Variants in PIEZO1 observed in about 807,000 individuals in gnomAD.
PIEZO1 encodes the protein piezo-type mechanosensitive ion channel component 1.
Under a neutral mutation model 297.2 loss-of-function variants are expected in PIEZO1, and 296 were observed. The observed-to-expected ratio is 1.00, with a 90% confidence interval of 0.91 to 1.10. PIEZO1 has a LOEUF of 1.10. Ranked by LOEUF, PIEZO1 falls within the 50% of genes least tolerant of loss-of-function variation. The pLI is 0.00. For synonymous variants in PIEZO1, 2,427 were observed against 1,507.5 expected (o/e 1.61, Z -14.13); for missense variants, 5,018 against 3,455.5 (o/e 1.45, Z -11.34).
intron 1 of PIEZO1, among the ~76,000 whole-genome samples, chr16:88,751,883 A>G (rs1036066947): frequency 5.9e-5 from 9 of 152,106 alleles, no homozygotes; most frequent in Non-Finnish European, 1.3e-4. Context: ...AGAGCAGAGG[A>G]GCTCACGGTC....
intron 44 of PIEZO1, chr16:88,717,535 A>G (rs867532630): frequency 1.5e-5 from 8 of 521,530 alleles, no homozygotes; most frequent in African/African-American, 1.5e-4. Flanking sequence ...GCCAAAATTT[A>G]CCTCAAAGTG....
chr16:88,720,134 G>A lies in PIEZO1; in HGVS notation c.6099C>T (p.Phe2033=), dbSNP rs1912325014. 1.9e-6 allele frequency: 3 copies of A among 1,550,314 alleles called. No individual in the cohort carries two copies. The highest frequency in any genetic ancestry group is 1.4e-5 in the African/African-American group (1 of 73,046). The part of the protein sequence containing the change: ...LRKTVLGKLA[F]QVALVLAIHL... ...GGATGGCCAGCACCAGCGCCACCTG[G>A]AAGGCCAGCTTGCCCAGCACGGTCT... The change falls in exon 42 of 51, where the codon TTC becomes TTT. Residue 2033 remains phenylalanine, a synonymous_variant. Coordinates refer to ENST00000301015, the MANE Select transcript of PIEZO1 (RefSeq NM_001142864.4).
chr16:88,718,932 A>C (rs1381999487), intron 44 of PIEZO1: 1 of 153,264 alleles, frequency 6.5e-6, no homozygotes, highest in Non-Finnish European at 1.5e-5. Context: ...TGGTCTTAAA[A>C]CTCCTGGCCT....
At chr16:88,742,224 A>G (rs560597220) in intron 3 of PIEZO1, 76 bp downstream of exon 3, 6 of 1,494,288 alleles carry the variant, frequency 4.0e-6, no homozygotes, top group Admixed American at 2.1e-5. Flanking sequence ...CCCCCCCAGG[A>G]GACTCGGGGT....
chr16:88,736,767 G>A (rs533999886), intron 10 of PIEZO1, 28 bp from the exon 11 acceptor site: 78 of 1,430,384 alleles, frequency 5.5e-5, no homozygotes, highest in Admixed American at 2.6e-4. Context: ...GGTCAGCTTC[G>A]GCAGGTTGAT....
Position 88,785,139 on chromosome 16 carries a change from C to T in PIEZO1, c.-175G>A, listed in dbSNP as rs1908125792. ...CCGGTGCCGACGTCCCGGGCCCGCG[C>T]TCGCTCAGGCGACCGCCCTGCCCCT... On this transcript the variant is annotated 5_prime_UTR_variant, in exon 1 of 51. Transcript: ENST00000301015. 6.0e-6 allele frequency: 2 copies of T among 330,972 alleles called. No homozygotes were observed. The highest frequency in any genetic ancestry group is 1.0e-5 in the Non-Finnish European group (2 of 194,934). The allele number at this position is 330,972 out of a possible 1,614,324, so 20.5% of individuals were successfully genotyped here.
chr16:88,722,765 G>A, intron 34 of PIEZO1, 72 bp downstream of exon 34: 10 of 1,528,984 alleles, frequency 6.5e-6, no homozygotes, highest in Non-Finnish European at 8.8e-6. Context: ...GTGGGCGCGG[G>A]ACTAGGCTGT....
rs117944173 is a variant in PIEZO1, at chr16:88,730,672, T to G, written c.3196+1034A>C. On this transcript the variant is annotated intron_variant, in intron 22 of 50. Transcript: ENST00000301015. ...GTTTCAAACTCCTGGCCTCAAGGGA[T>G]GCTCCTGCCTCAGCCTCCCAAAGTG... Among the ~76,000 whole-genome samples, 284 of 150,500 alleles carry G rather than the reference T, an allele frequency of 1.9e-3. 2 individuals are homozygous for G. In the East Asian group the frequency reaches 0.032, roughly 17 times the overall value.
At chr16:88,744,374 C>A (rs531696759) in intron 2 of PIEZO1, 1 of 152,196 alleles carries the variant, frequency 6.6e-6, no homozygotes, top group East Asian at 1.9e-4. Flanking sequence ...GAGGGACCTG[C>A]GGGGCCTGCC....
chr16:88,750,704 A>G (rs1441233514), intron 1 of PIEZO1, among the ~76,000 whole-genome samples: 1 of 152,182 alleles, frequency 6.6e-6, no homozygotes, highest in Non-Finnish European at 1.5e-5. Flanking sequence ...GTTTGTCAGG[A>G]GATGAGGGGT....
Position 88,715,561 on chromosome 16 carries a change from C to A in PIEZO1, c.*44G>T. The A allele has an allele frequency of 6.5e-7, 1 of 1,531,814 alleles. No individual in the cohort carries two copies. The highest frequency in any genetic ancestry group is 8.8e-7 in the Non-Finnish European group (1 of 1,137,438). The allele number at this position is 1,531,814 out of a possible 1,614,324, so 94.9% of individuals were successfully genotyped here. A position where few individuals can be genotyped will look rare whatever the true frequency, so the allele number is the denominator to read the frequency against. ...AGTGCCGCCCCTTGTGGCCACGCTG[C>A]CCAGCAGGCCGGCTCCTTCCCTCTC... On this transcript the variant is annotated 3_prime_UTR_variant, in exon 51 of 51. Coordinates refer to ENST00000301015, the MANE Select transcript of PIEZO1 (RefSeq NM_001142864.4).
chr16:88,734,842 G>C, intron 14 of PIEZO1, 33 bp downstream of exon 14: 1 of 1,550,056 alleles, frequency 6.5e-7, no homozygotes, highest in Non-Finnish European at 8.7e-7. Context: ...GGGAGGGTCC[G>C]TGCCCCAGCC....
chr16:88,777,259 C>G (rs553832806), intron 1 of PIEZO1, among the ~76,000 whole-genome samples: 1 of 152,386 alleles, frequency 6.6e-6, no homozygotes, highest in South Asian at 2.1e-4. Flanking sequence ...GCGTGAGCCA[C>G]CATGCCCGGA....
Position 88,727,061 on chromosome 16 carries a change from C to A in PIEZO1, c.3433G>T (p.Val1145Leu). The A allele has an allele frequency of 1.3e-6, 2 of 1,549,026 alleles. No homozygotes were observed. Among genetic ancestry groups the A allele is most frequent in the Non-Finnish European group, 1.7e-6 (2 of 1,145,938 alleles). Residue 1145 changes from valine to leucine, a missense_variant, in exon 24 of 51, where the codon GTG (valine) becomes TTG (leucine). Physicochemically the swap from Val to Leu is conservative, Grantham distance 32. Coordinates refer to ENST00000301015, the MANE Select transcript of PIEZO1 (RefSeq NM_001142864.4). ...CACCTGCAGTGGATAAAGTTGGGCA[C>A]GGGGTTGGGCTCCCCCCGCAGCGGC... ...LEPLRGEPNP[V>L]PNFIHCRSYL... is the part of the protein sequence containing the mutation.
At chr16:88,727,793 T>C in intron 22 of PIEZO1, 132 bp from the exon 23 acceptor site, 1 of 462,226 alleles carries the variant, frequency 2.2e-6, no homozygotes, top group Non-Finnish European at 3.9e-6. Context: ...ACACCTGGTG[T>C]CTCGAGAACT....
In PIEZO1 at chr16:88,770,667, C is replaced by G. The variant is rs528944705; in HGVS notation, c.64+14234G>C. ...GCCAGCTGCCGAGCACGTCCACCAC[C>G]TGGTGCCTTCACTGCCAGTGACTCA... is the stretch of plus-strand genomic sequence containing the variant. On this transcript the variant is annotated intron_variant, in intron 1 of 50. Transcript: ENST00000301015. Among the ~76,000 whole-genome samples, 36 of 152,358 alleles carry G rather than the reference C, an allele frequency of 2.4e-4. No homozygotes were observed. In the South Asian group the frequency reaches 6.6e-3, roughly 28 times the overall value.
intron 1 of PIEZO1, among the ~76,000 whole-genome samples, chr16:88,751,908 C>A (rs1007020790): frequency 6.6e-6 from 1 of 152,282 alleles, no homozygotes; most frequent in South Asian, 2.1e-4. Flanking sequence ...CTGCCAGGAA[C>A]GTCCAATGCT....
intron 1 of PIEZO1, among the ~76,000 whole-genome samples, chr16:88,784,365 C>T (rs1371919339): frequency 6.6e-6 from 1 of 152,234 alleles, no homozygotes; most frequent in Non-Finnish European, 1.5e-5. Context: ...GGGGGTGCAG[C>T]GGTGAGCGGG....
At chr16:88,733,225 G>A (rs577577981) in intron 19 of PIEZO1, 53 bp downstream of exon 19, 53 of 1,491,252 alleles carry the variant, frequency 3.6e-5, no homozygotes, top group Admixed American at 1.0e-4. Flanking sequence ...GTCGGGCTGC[G>A]AATACAGAGT....
Sources: gnomAD v4.1 joint callset for allele counts (sites outside exome capture counted in the v4.1 genomes callset) on GRCh38, gnomAD v4.1.1 for gene constraint, MANE v1.5 for transcripts, NCBI Gene and HGNC (gene_info 2026-07-23, HGNC 2026-07-21) for gene names.